Variants in MYH14 observed in about 807,000 individuals in gnomAD.
The protein encoded by MYH14 is myosin heavy chain 14.
Under a neutral mutation model 255.5 loss-of-function variants are expected in MYH14, and 123 were observed. The ratio of observed to expected loss-of-function variants is 0.48; its 90% CI spans 0.42 to 0.56. The LOEUF (loss-of-function observed/expected upper bound fraction) is 0.56, where lower values mean the gene tolerates loss of function less well. Among genes scored for constraint, MYH14 ranks in the 20% least tolerant of loss-of-function variants. The pLI is 0.00. For missense variants in MYH14, 2,423 were observed against 2,802.3 expected, an observed-to-expected ratio of 0.86 and a Z score of 3.06; for synonymous variants, 1,095 against 1,161.2, an observed-to-expected ratio of 0.94 and a Z score of 1.16.
chr19:50,208,080 GTCCCCTGGTT>G (rs2031915473), intron 1 of MYH14, among the ~76,000 whole-genome samples: 3 of 152,092 alleles, frequency 2.0e-5, no homozygotes, highest in Admixed American at 6.6e-5. Flanking sequence ...AACATTTCCT[GTCCCCTGGTT>G]TATTCCTCCC....
At chr19:50,255,118 T>G in intron 16 of MYH14, 102 bp from the exon 17 acceptor site, 1 of 774,222 alleles carries the variant, frequency 1.3e-6, no homozygotes, top group Non-Finnish European at 2.2e-6. Flanking sequence ...CCTCTTTTTC[T>G]TCCTGCCACC....
chr19:50,239,011 A>G (rs942200490), intron 10 of MYH14, among the ~76,000 whole-genome samples: 6 of 152,078 alleles, frequency 3.9e-5, no homozygotes, highest in Admixed American at 3.9e-4. Context: ...ACCTCCAAAA[A>G]AAAACAAAAA....
In MYH14 at chr19:50,261,546, C is replaced by T; in HGVS notation, c.2496C>T (p.Val832=). The T allele has an allele frequency of 6.3e-7, 1 of 1,598,090 alleles. No homozygotes were observed. The highest frequency in any genetic ancestry group is 1.1e-5 in the South Asian group (1 of 89,270). Residue 832 remains valine (V), a synonymous_variant, in exon 21 of 43, where the codon GTC becomes GTT. Coordinates refer to ENST00000642316, the MANE Select transcript of MYH14 (RefSeq NM_001145809.2). ...GCAAGATCTTCTTCCGGGCTGGGGT[C>T]CTGGCCCAGCTGGAAGAGGAGCGAG... ...GQSKIFFRAG[V]LAQLEEERDL...
At chr19:50,304,294 G>C (rs1281701509) in intron 40 of MYH14, among the ~76,000 whole-genome samples, 2 of 152,128 alleles carry the variant, frequency 1.3e-5, no homozygotes, top group Admixed American at 6.5e-5. Context: ...CAAATATTAA[G>C]AGTGTACTGT....
intron 10 of MYH14, among the ~76,000 whole-genome samples, chr19:50,243,292 C>T (rs8111089): frequency 0.015 from 2,301 of 152,074 alleles, 78 homozygotes; most frequent in African/African-American, 0.053. Flanking sequence ...AAAAATTAGC[C>T]GGGTGTGGTG....
rs950584017 is a variant in MYH14, at chr19:50,211,325, C to A, written c.405+555C>A. On this transcript the variant is annotated intron_variant, in intron 2 of 42. Coordinates refer to ENST00000642316, the MANE Select transcript of MYH14 (RefSeq NM_001145809.2). ...CTCCAGCCTGGGTGACAGCACAAGA[C>A]CCTGTCTCAAAAAAAGACAAAAAGC... 2.9e-4 allele frequency among the ~76,000 whole-genome samples: 44 copies of A among 151,996 alleles called. 1 individual carries two copies. Among genetic ancestry groups the A allele is most frequent in the Non-Finnish European group, 7.4e-5 (5 of 67,994 alleles).
At chr19:50,224,213 C>T (rs2032989675) in intron 6 of MYH14, 36 bp downstream of exon 6, 1 of 1,613,738 alleles carries the variant, frequency 6.2e-7, no homozygotes, top group Admixed American at 1.7e-5. Context: ...TCTTGCTGCC[C>T]CTAATGCCTT....
rs544122183 is a variant in MYH14 at position 50,292,195 on chromosome 19, G to C, written c.5128-66G>C. On this transcript the variant is annotated intron_variant, in intron 36 of 42. Coordinates refer to ENST00000642316, the MANE Select transcript of MYH14 (RefSeq NM_001145809.2). Reference sequence around the variant, plus strand: ...TGAGGAGCCCCGTCGGTCTGGCAAGGGGGTGGAGGAGTTCCCTGTGCTGTG... The same window carrying C: ...TGAGGAGCCCCGTCGGTCTGGCAAGCGGGTGGAGGAGTTCCCTGTGCTGTG... The C allele has an allele frequency of 6.4e-5, 94 of 1,477,144 alleles. 1 individual carries two copies. The South Asian group carries it at 9.3e-4, about 15-fold the overall frequency. 91.5% of individuals were successfully genotyped at this position (1,477,144 alleles called of 1,614,324 possible). A position where few individuals can be genotyped will look rare whatever the true frequency, so the allele number is the denominator to read the frequency against.
chr19:50,267,470 G>A (rs1001110846), intron 23 of MYH14, among the ~76,000 whole-genome samples: 1 of 152,100 alleles, frequency 6.6e-6, no homozygotes, highest in African/African-American at 2.4e-5. Context: ...TGGCCAACAT[G>A]GTGAAACCCC....
chr19:50,268,353 C>T lies in MYH14; in HGVS notation c.3019C>T (p.Gln1007Ter), dbSNP rs1222777928. 6.4e-7 allele frequency: 1 copy of T among 1,570,642 alleles called. No homozygotes were observed. The highest frequency in any genetic ancestry group is 8.6e-7 in the Non-Finnish European group (1 of 1,159,276). ...RQMQTEKKRL[Q>*]QHIQELEAHL... ...AATGCAAACCGAGAAGAAGAGGCTG[C>T]AGCAGCACATACAGGTCTGGCCCCT... is the stretch of plus-strand genomic sequence containing the variant. Residue 1007 changes from glutamine to a stop codon, truncating the protein, a stop_gained, in exon 24 of 43, where the codon CAG (glutamine) becomes TAG (stop). Transcript: ENST00000642316. LOFTEE classifies it high-confidence loss of function.
chr19:50,237,905 G>C (rs188978050), intron 10 of MYH14, among the ~76,000 whole-genome samples: 1 of 150,706 alleles, frequency 6.6e-6, no homozygotes, highest in East Asian at 2.0e-4. Flanking sequence ...TCCTGTCCTA[G>C]GACTCACCCC....
chr19:50,212,659 A>G (rs949564209), intron 2 of MYH14, among the ~76,000 whole-genome samples: 1 of 152,210 alleles, frequency 6.6e-6, no homozygotes, highest in African/African-American at 2.4e-5. Context: ...GCGGAAGATT[A>G]GAATATTTTT....
chr19:50,310,169 G>C lies in MYH14; in HGVS notation c.*379G>C. 3 of 254,546 alleles carry C rather than the reference G, an allele frequency of 1.2e-5. No individual in the cohort carries two copies. The highest frequency in any genetic ancestry group is 5.2e-5 in the South Asian group (1 of 19,174). The allele number at this position is 254,546 out of a possible 1,614,324, so 15.8% of individuals were successfully genotyped here. ...TCAGCCAGTGCAACCCATTCCCTCT[G>C]CTTCTCTCTCTCTCTCTCTCTCTCC... On this transcript the variant is annotated 3_prime_UTR_variant, in exon 43 of 43. Coordinates refer to ENST00000642316, the MANE Select transcript of MYH14 (RefSeq NM_001145809.2).
intron 10 of MYH14, among the ~76,000 whole-genome samples, chr19:50,238,083 C>T (rs774715362): frequency 6.6e-6 from 1 of 152,236 alleles, no homozygotes; most frequent in Non-Finnish European, 1.5e-5. Flanking sequence ...CCCCATTTTA[C>T]ATCTCTGCCT....
rs981996240 is a variant in MYH14 at position 50,252,388 on chromosome 19, C to T, written c.1831-251C>T. Among the ~76,000 whole-genome samples, 9 of 151,866 alleles carry T rather than the reference C, an allele frequency of 5.9e-5. No homozygotes were observed. Among genetic ancestry groups the T allele is most frequent in the Middle Eastern group, 3.4e-3 (1 of 294 alleles). On this transcript the variant is annotated intron_variant, in intron 15 of 42. Coordinates refer to ENST00000642316, the MANE Select transcript of MYH14 (RefSeq NM_001145809.2). The surrounding 1 kb of genome is among the most constrained non-coding windows in gnomAD (Gnocchi z 4.2). The stretch of plus-strand genomic sequence containing the variant: ...AGTGCGGAGGCCAGGGTGGCTGGAG[C>T]GGAATGAATAGGAAGAAAGTGGTGG...
rs777448772 is a variant in MYH14 at position 50,249,826 on chromosome 19, G to A, written c.1656+3G>A. On this transcript the variant is annotated splice_donor_region_variant and intron_variant, in intron 14 of 42. Coordinates refer to ENST00000642316, the MANE Select transcript of MYH14 (RefSeq NM_001145809.2). ...GCATCGACCTCATCGAGCGGCCGGTGAGCCCCAGGCCCCTCCCAGCCCACA... is the reference window on the plus strand; with the variant it reads ...GCATCGACCTCATCGAGCGGCCGGTAAGCCCCAGGCCCCTCCCAGCCCACA... 1 of 1,614,056 alleles carries A rather than the reference G, an allele frequency of 6.2e-7. No homozygotes were observed. The highest frequency in any genetic ancestry group is 1.1e-5 in the South Asian group (1 of 91,068).
chr19:50,222,709 G>A (rs2032897315), intron 3 of MYH14, among the ~76,000 whole-genome samples: 1 of 152,056 alleles, frequency 6.6e-6, no homozygotes. Flanking sequence ...CAGGCGCTGG[G>A]GTAGACATCT....
At chr19:50,292,067 A>G (rs2036092756) in intron 36 of MYH14, among the ~76,000 whole-genome samples, 194 bp from the exon 37 acceptor site, 2 of 152,048 alleles carry the variant, frequency 1.3e-5, no homozygotes, top group African/African-American at 4.8e-5. Context: ...TCCCTTGAGG[A>G]CCAGAGTGGG....
At chr19:50,271,042 A>G (rs1322693543) in intron 24 of MYH14, among the ~76,000 whole-genome samples, 1 of 151,890 alleles carries the variant, frequency 6.6e-6, no homozygotes, top group Non-Finnish European at 1.5e-5. Flanking sequence ...CCCCCACACA[A>G]GAATGTGATT....
Sources: allele counts gnomAD v4.1 joint callset (sites outside exome capture counted in the v4.1 genomes callset), GRCh38; gene constraint gnomAD v4.1.1; non-coding constraint Gnocchi (gnomAD v3.1); transcripts MANE v1.5; gene names NCBI Gene and HGNC (gene_info 2026-07-23, HGNC 2026-07-21).